CFAP52: variants seen among roughly 807,000 people sequenced by gnomAD.
The protein encoded by CFAP52 is cilia- and flagella-associated protein 52.
CFAP52 carries 57 observed loss-of-function variants against 70.5 expected under a neutral mutation model. The ratio of observed to expected loss-of-function variants is 0.81; its 90% CI spans 0.65 to 1.01. CFAP52 has a LOEUF of 1.01. Among genes scored for constraint, CFAP52 ranks in the 50% least tolerant of loss-of-function variants. CFAP52 has a pLI of 0.00. For synonymous variants in CFAP52, 267 were observed against 292.5 expected (o/e 0.91, Z 0.89); for missense variants, 785 against 788.5 (o/e 1.00, Z 0.05).
intron 1 of CFAP52, among the ~76,000 whole-genome samples, chr17:9,582,525 TAGG>T (rs1214596023): frequency 6.6e-6 from 1 of 152,270 alleles, no homozygotes; most frequent in Non-Finnish European, 1.5e-5. Context: ...TATTGCCTTG[TAGG>T]AGTTCTTCGT....
intron 2 of CFAP52, among the ~76,000 whole-genome samples, chr17:9,586,427 C>G (rs6503232): frequency 0.99 from 151,175 of 152,164 alleles, 75,107 homozygotes; most frequent in East Asian, 1. Context: ...GCAGGGCGTG[C>G]TGGTGCATGC....
chr17:9,643,361 A>G lies in CFAP52; in HGVS notation c.*163A>G. ...AATGCATTTTATATTCTTAAATTGC[A>G]TATTAAAATTGAAGTATGTTCAAGA... On this transcript the variant is annotated 3_prime_UTR_variant, in exon 14 of 14. Coordinates refer to ENST00000352665, the MANE Select transcript of CFAP52 (RefSeq NM_145054.5). 2.0e-6 allele frequency: 1 copy of G among 499,082 alleles called. No individual in the cohort carries two copies. 30.9% of individuals were successfully genotyped at this position (499,082 alleles called of 1,614,324 possible).
At chr17:9,638,733 T>G (rs750540153) in intron 12 of CFAP52, 22 bp downstream of exon 12, 18 of 1,610,166 alleles carry the variant, frequency 1.1e-5, no homozygotes, top group Non-Finnish European at 1.5e-5. Flanking sequence ...CAGTGAGAGA[T>G]GAGATCTTTC....
chr17:9,586,322 G>A (rs1022002689), intron 2 of CFAP52, among the ~76,000 whole-genome samples: 1 of 152,134 alleles, frequency 6.6e-6, no homozygotes, highest in Non-Finnish European at 1.5e-5. Context: ...CCAGCACTTT[G>A]GGAGGCCTAG....
chr17:9,597,023 C>T (rs1158424554), intron 4 of CFAP52, among the ~76,000 whole-genome samples: 1 of 151,918 alleles, frequency 6.6e-6, no homozygotes, highest in Admixed American at 6.6e-5. Context: ...TGGCCCTCCT[C>T]CTCCTGTTGA....
intron 10 of CFAP52, among the ~76,000 whole-genome samples, chr17:9,634,161 T>G (rs1332170490): frequency 6.6e-6 from 1 of 152,208 alleles, no homozygotes; most frequent in Non-Finnish European, 1.5e-5. Context: ...CCCCAGATTC[T>G]TTGCTATCCC....
At chr17:9,629,630 C>T (rs1910381041) in intron 9 of CFAP52, among the ~76,000 whole-genome samples, 1 of 151,318 alleles carries the variant, frequency 6.6e-6, no homozygotes, top group African/African-American at 2.4e-5. Flanking sequence ...TCACTGCAAC[C>T]TCTGCCTCCC....
chr17:9,588,001 G>T (rs183773903), intron 3 of CFAP52, among the ~76,000 whole-genome samples: 3 of 152,166 alleles, frequency 2.0e-5, no homozygotes, highest in Non-Finnish European at 4.4e-5. Context: ...CCAAGAGTCC[G>T]ATTTGATTGG....
At chr17:9,586,572 A>G in intron 2 of CFAP52, 126 bp from the exon 3 acceptor site, 1 of 982,466 alleles carries the variant, frequency 1.0e-6, no homozygotes, top group Non-Finnish European at 1.3e-6. Flanking sequence ...TCTCAACAAA[A>G]AAAAAAAAAA....
At chr17:9,609,708 A>AT (rs937896789) in intron 7 of CFAP52, among the ~76,000 whole-genome samples, 113 of 150,676 alleles carry the variant, frequency 7.5e-4, no homozygotes, top group South Asian at 1.1e-3. Flanking sequence ...CCTCGTCTCA[A>AT]TTTTTTTTTT....
chr17:9,590,056 G>C (rs1454100365), intron 3 of CFAP52: 2 of 178,594 alleles, frequency 1.1e-5, no homozygotes, highest in Non-Finnish European at 2.4e-5. Flanking sequence ...TCTGCCGTCA[G>C]CTCATGGATA....
At position 9,586,835 on chromosome 17, in the gene CFAP52, G is replaced by A. The variant is rs1178800864; in HGVS notation, c.407+1G>A. ...CACTAGGAGGCCCAGATGACGGAAG[G>A]TAATGAACTAAACATAGTTACTTAT... is the stretch of plus-strand genomic sequence containing the variant. On this transcript the variant is annotated splice_donor_variant, in intron 3 of 13. Transcript: ENST00000352665. LOFTEE classifies it high-confidence loss of function. The A allele has an allele frequency of 1.3e-6, 2 of 1,592,952 alleles. No homozygotes were observed. Among genetic ancestry groups the A allele is most frequent in the Non-Finnish European group, 1.7e-6 (2 of 1,173,892 alleles).
chr17:9,633,601 G>T (rs115493968), intron 10 of CFAP52, among the ~76,000 whole-genome samples: 2 of 152,068 alleles, frequency 1.3e-5, no homozygotes, highest in Non-Finnish European at 2.9e-5. Flanking sequence ...GAATTCATGC[G>T]GGTGTTTTGC....
rs1487283328 is a variant in CFAP52, at chr17:9,628,806, A to G, written c.1160A>G (p.Lys387Arg). 1 of 1,614,086 alleles carries G rather than the reference A, an allele frequency of 6.2e-7. No individual in the cohort carries two copies. The highest frequency in any genetic ancestry group is 8.5e-7 in the Non-Finnish European group (1 of 1,179,978). The change falls in exon 9 of 14, where the codon AAA (lysine) becomes AGA (arginine). Residue 387 changes from lysine (K) to arginine (R), a missense_variant. Transcript: ENST00000352665. ...GGCATCGACTTCATGAGGGACGGCAAAAGCATCATTTCAGGTAACGTCCAC... is the reference window on the plus strand; with the variant it reads ...GGCATCGACTTCATGAGGGACGGCAGAAGCATCATTTCAGGTAACGTCCAC... ...CHGIDFMRDG[K>R]SIISAWNDGK...
At position 9,638,747 on chromosome 17, in the gene CFAP52, C is replaced by A. The variant is rs373511228; in HGVS notation, c.1575+36C>A. 4.3e-5 allele frequency: 69 copies of A among 1,601,944 alleles called. No individual in the cohort carries two copies. The African/African-American group carries it at 8.8e-4, about 21-fold the overall frequency. On this transcript the variant is annotated intron_variant, in intron 12 of 13. Coordinates refer to ENST00000352665, the MANE Select transcript of CFAP52 (RefSeq NM_145054.5). ...CCAGTGAGAGATGAGATCTTTCCAG[C>A]GCAAGAGAAAAGCAGTGAGGCGTTG...
intron 8 of CFAP52, among the ~76,000 whole-genome samples, chr17:9,613,145 C>T (rs1909776857): frequency 6.6e-6 from 1 of 151,676 alleles, no homozygotes; most frequent in South Asian, 2.1e-4. Flanking sequence ...TACCTGTTTT[C>T]AAACTTCTTT....
At chr17:9,596,059 G>A (rs7217559) in intron 4 of CFAP52, among the ~76,000 whole-genome samples, 1,265 of 85,008 alleles carry the variant, frequency 0.015, 13 homozygotes, top group East Asian at 0.031. Context: ...ATATGTGTGT[G>A]TATATATATA....
At chr17:9,608,757 T>A (rs1909604453) in intron 7 of CFAP52, among the ~76,000 whole-genome samples, 1 of 152,222 alleles carries the variant, frequency 6.6e-6, no homozygotes, top group Non-Finnish European at 1.5e-5. Flanking sequence ...ACCTTATTTA[T>A]TGCCATAACA....
At chr17:9,638,211 A>G (rs1199306793) in intron 11 of CFAP52, among the ~76,000 whole-genome samples, 1 of 152,218 alleles carries the variant, frequency 6.6e-6, no homozygotes, top group African/African-American at 2.4e-5. Context: ...TGCTTCTCAG[A>G]CTGTAGGGAG....
Sources: allele counts gnomAD v4.1 joint callset (sites outside exome capture counted in the v4.1 genomes callset), GRCh38; gene constraint gnomAD v4.1.1; transcripts MANE v1.5; gene names NCBI Gene and HGNC (gene_info 2026-07-23, HGNC 2026-07-21).